The following SMC6 variants were observed in gnomAD, a reference collection of about 807,000 sequenced individuals.
The protein encoded by SMC6 is structural maintenance of chromosomes 6, also known as structural maintenance of chromosomes protein 6.
In SMC6, 79 loss-of-function variants were observed where a neutral mutation model predicts 142.2. The observed-to-expected ratio is 0.56, with a 90% confidence interval of 0.46 to 0.67. The LOEUF (loss-of-function observed/expected upper bound fraction) is 0.67, where lower values mean the gene tolerates loss of function less well. Among genes scored for constraint, SMC6 ranks in the 30% least tolerant of loss-of-function variants. The pLI, the probability that SMC6 is intolerant of heterozygous loss-of-function variation, is 0.00. For synonymous variants in SMC6, 411 were observed against 412.4 expected (o/e 1.00, Z 0.04); for missense variants, 1,072 against 1,284.0 (o/e 0.83, Z 2.52).
chr2:17,675,822 CAT>C (rs1228464299), intron 25 of SMC6, among the ~76,000 whole-genome samples: 5 of 152,064 alleles, frequency 3.3e-5, no homozygotes, highest in Admixed American at 2.6e-4. Flanking sequence ...ATTTGACTAT[CAT>C]ATAAATTTCA....
At chr2:17,721,512 C>A (rs1669374142) in intron 9 of SMC6, among the ~76,000 whole-genome samples, 1 of 152,038 alleles carries the variant, frequency 6.6e-6, no homozygotes, top group African/African-American at 2.4e-5. Context: ...ATTAAAGGTT[C>A]AAGACTACAC....
chr2:17,734,615 T>C (rs1209186240), intron 5 of SMC6, among the ~76,000 whole-genome samples: 4 of 152,220 alleles, frequency 2.6e-5, no homozygotes, highest in African/African-American at 9.6e-5. Flanking sequence ...AACACCTCTC[T>C]TGATTACCAA....
intron 3 of SMC6, among the ~76,000 whole-genome samples, chr2:17,743,795 C>T (rs1670596243): frequency 6.6e-6 from 1 of 152,184 alleles, no homozygotes; most frequent in African/African-American, 2.4e-5. Flanking sequence ...TTTTAACTCT[C>T]CATAGTTATG....
chr2:17,716,394 TTTA>T, intron 14 of SMC6, 130 bp from the exon 15 acceptor site: 1 of 846,292 alleles, frequency 1.2e-6, no homozygotes, highest in Non-Finnish European at 1.7e-6. Flanking sequence ...AGCAGAATTA[TTTA>T]TTTGAAAATA....
At position 17,720,956 on chromosome 2, in the gene SMC6, T is replaced by C; in HGVS notation, c.929A>G (p.Lys310Arg). The C allele has an allele frequency of 1.9e-6, 3 of 1,613,248 alleles. No homozygotes were observed. The highest frequency in any genetic ancestry group is 2.5e-6 in the Non-Finnish European group (3 of 1,179,638). ...TGTAATTACCTGCTGTTCTTCCATT[T>C]TCCTGTCAAGTCTAGCAGCACGATC... is the stretch of plus-strand genomic sequence containing the variant. Reference protein sequence around the residue: ...GEDRAARLDRKMEEQQVRLNE... With the variant: ...GEDRAARLDRRMEEQQVRLNE... Residue 310 changes from lysine to arginine, a missense_variant, in exon 11 of 28, where the codon AAA becomes AGA. By Grantham distance (26) the Lys-to-Arg change is conservative. Around this residue, in one of 3 missense-constraint regions of SMC6, gnomAD observed 994 missense variants for 1,153.2 expected, o/e 0.86. Coordinates refer to ENST00000448223, the MANE Select transcript of SMC6 (RefSeq NM_001142286.2).
intron 4 of SMC6, among the ~76,000 whole-genome samples, chr2:17,740,978 C>T (rs1185774784): frequency 5.3e-5 from 8 of 152,160 alleles, no homozygotes; most frequent in Admixed American, 5.2e-4. Flanking sequence ...AGATCCTCAA[C>T]AATATTGCCT....
chr2:17,745,884 TTCTTG>T lies in SMC6; in HGVS notation c.58_62del (p.Gln20ArgfsTer6). 2 of 1,613,194 alleles carry T rather than the reference TTCTTG, an allele frequency of 1.2e-6. No homozygotes were observed. Among genetic ancestry groups the T allele is most frequent in the Non-Finnish European group, 1.7e-6 (2 of 1,179,632 alleles). ...CATCTTTATCAAAATCCTCCAATTC[TTCTTG>T]TCTTGGCCTTTTGGCATTTTTAGGA... On this transcript the variant is annotated frameshift_variant, in exon 3 of 28. Transcript: ENST00000448223. LOFTEE classifies it high-confidence loss of function.
At chr2:17,727,614 A>G (rs10495668) in intron 7 of SMC6, among the ~76,000 whole-genome samples, 10,019 of 152,164 alleles carry the variant, frequency 0.066, 750 homozygotes, top group African/African-American at 0.19. Flanking sequence ...TAAGATATCA[A>G]AGTACAATTG....
rs1289588458 is a variant in SMC6 at position 17,718,304 on chromosome 2, A to G, written c.946-81T>C. The G allele has an allele frequency of 3.3e-6, 3 of 917,316 alleles. No individual in the cohort carries two copies. The African/African-American group carries it at 5.1e-5, about 16-fold the overall frequency. 56.8% of individuals were successfully genotyped at this position (917,316 alleles called of 1,614,324 possible). ...AAAAATAATTATCTATAGTTCATAT[A>G]CCAATAATAAATTTAACTTCACTCA... On this transcript the variant is annotated intron_variant, in intron 11 of 27. Coordinates refer to ENST00000448223, the MANE Select transcript of SMC6 (RefSeq NM_001142286.2).
In SMC6 at chr2:17,717,151, T is replaced by G; in HGVS notation, c.1118A>C (p.Glu373Ala). Residue 373 changes from glutamate to alanine, a missense_variant, in exon 13 of 28, where the codon GAA (glutamate) becomes GCA (alanine). Transcript: ENST00000448223. Reference sequence around the variant, plus strand: ...ATCATCTTTCTTTAATGCTTTATATTCGTTTAAGGATCGGTTATATAAAAC... The same window carrying G: ...ATCATCTTTCTTTAATGCTTTATATGCGTTTAAGGATCGGTTATATAAAAC... ...AEVLYNRSLN[E>A]YKALKKDDEQ... 2 of 1,611,074 alleles carry G rather than the reference T, an allele frequency of 1.2e-6. No homozygotes were observed. The highest frequency in any genetic ancestry group is 1.7e-6 in the Non-Finnish European group (2 of 1,179,252).
At chr2:17,695,500 T>G (rs757446510) in intron 22 of SMC6, among the ~76,000 whole-genome samples, 1 of 152,186 alleles carries the variant, frequency 6.6e-6, no homozygotes, top group Non-Finnish European at 1.5e-5. Flanking sequence ...AAGAGAAAAC[T>G]GCATTGCTGT....
At chr2:17,734,833 A>T (rs1292481846) in intron 5 of SMC6, among the ~76,000 whole-genome samples, 2 of 151,886 alleles carry the variant, frequency 1.3e-5, no homozygotes, top group Non-Finnish European at 2.9e-5. Flanking sequence ...CCAGGTTCAA[A>T]TGATTCTCCT....
At position 17,716,166 on chromosome 2, in the gene SMC6, G is replaced by A. The variant is rs371066120; in HGVS notation, c.1445C>T (p.Pro482Leu). ...SKTDRLKRFG[P>L]NVPALLEAID... The stretch of plus-strand genomic sequence containing the variant: ...GGCTTCAAGAAGAGCTGGAACATTA[G>A]GGCCAAATCTTTTGAGTCGATCAGT... The change falls in exon 15 of 28, where the codon CCT (proline) becomes CTT (leucine). Residue 482 changes from proline (P) to leucine (L), a missense_variant. Physicochemically the swap from Pro to Leu is moderately conservative, Grantham distance 98. Around this residue, in one of 3 missense-constraint regions of SMC6, gnomAD observed 994 missense variants for 1,153.2 expected, o/e 0.86. Coordinates refer to ENST00000448223, the MANE Select transcript of SMC6 (RefSeq NM_001142286.2). 1 of 1,612,310 alleles carries A rather than the reference G, an allele frequency of 6.2e-7. No individual in the cohort carries two copies. The highest frequency in any genetic ancestry group is 8.5e-7 in the Non-Finnish European group (1 of 1,179,498).
At position 17,665,611 on chromosome 2, in the gene SMC6, G is replaced by A. The variant is rs757839257; in HGVS notation, c.3164C>T (p.Ser1055Leu). The change falls in exon 28 of 28, where the codon TCA (serine) becomes TTA (leucine). Residue 1055 changes from serine to leucine, a missense_variant and splice_region_variant. This residue lies in a region of SMC6 where 76 missense variants were observed against 112.3 expected (regional missense o/e 0.68). Transcript: ENST00000448223. Reference sequence around the variant, plus strand: ...TCTTATCAGTTTACTGGATGGAAGTGAACTAGAAGAAGCAAAATCAATTAC... The same window carrying A: ...TCTTATCAGTTTACTGGATGGAAGTAAACTAGAAGAAGCAAAATCAATTAC... ...FILLTPQSMS[S>L]LPSSKLIRIL... The A allele has an allele frequency of 8.2e-6, 13 of 1,579,082 alleles. No individual in the cohort carries two copies. In the Admixed American group the frequency reaches 2.3e-4, roughly 28 times the overall value.
intron 27 of SMC6, 140 bp downstream of exon 27, chr2:17,666,280 A>G: frequency 1.7e-6 from 1 of 584,712 alleles, no homozygotes; most frequent in South Asian, 2.7e-5. Flanking sequence ...AAACATCCCA[A>G]ATCTCCTGAA....
rs1233850967 is a variant in SMC6, at chr2:17,665,407, C to T, written c.*92G>A. 3 of 645,096 alleles carry T rather than the reference C, an allele frequency of 4.7e-6. No individual in the cohort carries two copies. The highest frequency in any genetic ancestry group is 7.4e-6 in the Non-Finnish European group (3 of 407,992). The allele number at this position is 645,096 out of a possible 1,614,324, so 40.0% of individuals were successfully genotyped here. ...AGGAGTTTCTTTCATTTCAGAATGC[C>T]TCCAGTCTCATTTTATTATATCAAA... On this transcript the variant is annotated 3_prime_UTR_variant, in exon 28 of 28. Transcript: ENST00000448223.
intron 2 of SMC6, among the ~76,000 whole-genome samples, chr2:17,750,424 A>G (rs1670967352): frequency 6.6e-6 from 1 of 152,204 alleles, no homozygotes; most frequent in Admixed American, 6.5e-5. Context: ...CATCTTTATG[A>G]GATAAATATT....
chr2:17,750,397 T>G (rs2125095995), intron 2 of SMC6, among the ~76,000 whole-genome samples: 1 of 152,360 alleles, frequency 6.6e-6, no homozygotes, highest in East Asian at 1.9e-4. Context: ...ACACTTTCTA[T>G]TTCCTTTGAT....
chr2:17,678,853 A>G lies in SMC6; in HGVS notation c.2910+6T>C, dbSNP rs760288003. 6.5e-7 allele frequency: 1 copy of G among 1,549,272 alleles called. No individual in the cohort carries two copies. The highest frequency in any genetic ancestry group is 8.9e-7 in the Non-Finnish European group (1 of 1,127,866). On this transcript the variant is annotated splice_donor_region_variant and intron_variant, in intron 25 of 27. Transcript: ENST00000448223. Reference sequence around the variant, plus strand: ...TGATTAGGATGAAAAGAATTAGGATACTTACTGATATACTTAGAGTTTCAT... The same window carrying G: ...TGATTAGGATGAAAAGAATTAGGATGCTTACTGATATACTTAGAGTTTCAT...
Sources: gnomAD v4.1 joint callset for allele counts (sites outside exome capture counted in the v4.1 genomes callset) on GRCh38, gnomAD v4.1.1 for gene constraint, gnomAD v4.1.1 regional missense constraint, MANE v1.5 for transcripts, NCBI Gene and HGNC (gene_info 2026-07-23, HGNC 2026-07-21) for gene names.